Variants in RNMT observed in about 807,000 individuals in gnomAD.
RNMT encodes the protein mRNA cap guanine-N(7) methyltransferase.
In RNMT, 27 loss-of-function variants were observed where a neutral mutation model predicts 56.0. The observed-to-expected ratio is 0.48, with a 90% CI of 0.36 to 0.67. The LOEUF (loss-of-function observed/expected upper bound fraction) is 0.67. Ranked by LOEUF, RNMT falls within the 30% of genes least tolerant of loss-of-function variation. The pLI is 0.00. For missense variants in RNMT, 519 were observed against 552.1 expected, an observed-to-expected ratio of 0.94 and a Z score of 0.60; for synonymous variants, 184 against 176.2, an observed-to-expected ratio of 1.04 and a Z score of -0.35.
intron 4 of RNMT, 94 bp downstream of exon 4, chr18:13,734,693 G>A (rs1352468909): frequency 8.6e-6 from 9 of 1,047,286 alleles, no homozygotes; most frequent in Non-Finnish European, 1.2e-5. Context: ...ACTAGGTCTT[G>A]AAGACAAATT....
chr18:13,739,663 A>G (rs1398897159), intron 5 of RNMT, among the ~76,000 whole-genome samples: 3 of 152,114 alleles, frequency 2.0e-5, no homozygotes, highest in Non-Finnish European at 2.9e-5. Flanking sequence ...CACACAACCT[A>G]TAATCCTAGC....
chr18:13,746,380 C>G lies in RNMT; in HGVS notation c.1257+43C>G, dbSNP rs148328477. ...ATGTACAAATTTCAGTCATGGTGAA[C>G]TTGTTTGGCTGTTCTTGAGATCCTT... is the stretch of plus-strand genomic sequence containing the variant. On this transcript the variant is annotated intron_variant, in intron 9 of 11. Transcript: ENST00000383314. 173 of 1,126,572 alleles carry G rather than the reference C, an allele frequency of 1.5e-4. 1 individual carries two copies. In the African/African-American group the frequency reaches 2.4e-3, roughly 16 times the overall value. 69.8% of individuals were successfully genotyped at this position (1,126,572 alleles called of 1,614,324 possible).
At chr18:13,732,740 C>A (rs1331082502) in intron 3 of RNMT, among the ~76,000 whole-genome samples, 1 of 90,206 alleles carries the variant, frequency 1.1e-5, no homozygotes, top group Non-Finnish European at 2.4e-5. Context: ...GGGGAGCCCC[C>A]CCTTTTTTTT....
intron 10 of RNMT, 38 bp from the exon 11 acceptor site, chr18:13,754,076 T>A: frequency 8.2e-7 from 1 of 1,216,368 alleles, no homozygotes; most frequent in Non-Finnish European, 1.2e-6. Flanking sequence ...ACTTCCATAT[T>A]GAATCTAAAA....
In RNMT at chr18:13,730,649, T is replaced by C. The variant is rs1043659593; in HGVS notation, c.-149T>C. On this transcript the variant is annotated 5_prime_UTR_variant, in exon 2 of 12. Coordinates refer to ENST00000383314, the MANE Select transcript of RNMT (RefSeq NM_003799.3). ...CAGGATGTGTGAACCTATTGGGTAC[T>C]GTACAACTTCAAGCCTCGAAATCAG... 1.3e-5 allele frequency: 2 copies of C among 152,238 alleles called. No individual in the cohort carries two copies. The highest frequency in any genetic ancestry group is 2.9e-5 in the Non-Finnish European group (2 of 68,038). 9.4% of individuals were successfully genotyped at this position (152,238 alleles called of 1,614,324 possible). A position where few individuals can be genotyped will look rare whatever the true frequency, so the allele number is the denominator to read the frequency against.
At chr18:13,733,316 A>G (rs753589510) in intron 3 of RNMT, among the ~76,000 whole-genome samples, 2 of 152,176 alleles carry the variant, frequency 1.3e-5, no homozygotes, top group Non-Finnish European at 2.9e-5. Flanking sequence ...GTTGGGTTAC[A>G]TGTAACATAT....
At position 13,761,883 on chromosome 18, in the gene RNMT, T is replaced by G; in HGVS notation, c.*1904T>G. On this transcript the variant is annotated 3_prime_UTR_variant, in exon 12 of 12. Coordinates refer to ENST00000383314, the MANE Select transcript of RNMT (RefSeq NM_003799.3). The stretch of plus-strand genomic sequence containing the variant: ...GCCCCAAGCCCCTGTGTCTCCTTGT[T>G]ACAATTAAGTTTCTGGATATTGACT... 8.1e-7 allele frequency: 1 copy of G among 1,238,804 alleles called. No homozygotes were observed. The highest frequency in any genetic ancestry group is 1.0e-6 in the Non-Finnish European group (1 of 989,372). 76.7% of individuals were successfully genotyped at this position (1,238,804 alleles called of 1,614,324 possible).
chr18:13,736,049 C>T (rs1376099607), intron 4 of RNMT, among the ~76,000 whole-genome samples: 3 of 152,092 alleles, frequency 2.0e-5, no homozygotes, highest in Non-Finnish European at 2.9e-5. Flanking sequence ...TTGATGATTT[C>T]CTCTCTCGTT....
intron 1 of RNMT, among the ~76,000 whole-genome samples, chr18:13,728,402 C>T (rs113113145): frequency 0.014 from 1,968 of 145,428 alleles, 55 homozygotes; most frequent in African/African-American, 0.044. Context: ...GTGGCTTGAT[C>T]TCAGCTCACT....
chr18:13,732,588 A>G (rs927297850), intron 3 of RNMT, among the ~76,000 whole-genome samples: 4 of 152,204 alleles, frequency 2.6e-5, no homozygotes, highest in Non-Finnish European at 5.9e-5. Context: ...GTACCACATT[A>G]GAAAGGAATT....
At chr18:13,745,477 A>G (rs919287590) in intron 8 of RNMT, among the ~76,000 whole-genome samples, 1 of 152,214 alleles carries the variant, frequency 6.6e-6, no homozygotes, top group Non-Finnish European at 1.5e-5. Context: ...TGTATTGAGC[A>G]CAGTGGGTAA....
At chr18:13,734,851 A>G (rs569980831) in intron 4 of RNMT, among the ~76,000 whole-genome samples, 14 of 152,310 alleles carry the variant, frequency 9.2e-5, no homozygotes, top group African/African-American at 3.4e-4. Flanking sequence ...ATTTTACTCT[A>G]ATAGTTTTGG....
intron 1 of RNMT, among the ~76,000 whole-genome samples, chr18:13,727,201 C>G (rs1232668131): frequency 2.6e-5 from 4 of 152,252 alleles, no homozygotes; most frequent in East Asian, 1.9e-4. Context: ...TAGAGCTTAT[C>G]CCGCTTGGGC....
At chr18:13,734,736 G>A in intron 4 of RNMT, 137 bp downstream of exon 4, 1 of 687,324 alleles carries the variant, frequency 1.5e-6, no homozygotes, top group East Asian at 2.8e-5. Context: ...GACTGTGTAA[G>A]ATTTTAATGA....
At chr18:13,735,822 G>C (rs1253741340) in intron 4 of RNMT, among the ~76,000 whole-genome samples, 1 of 152,028 alleles carries the variant, frequency 6.6e-6, no homozygotes, top group African/African-American at 2.4e-5. Flanking sequence ...TCCTTTTTCA[G>C]CTGTTCTAGC....
Position 13,741,675 on chromosome 18 carries a change from A to G in RNMT, c.958A>G (p.Asn320Asp). The G allele has an allele frequency of 6.2e-7, 1 of 1,604,598 alleles. No homozygotes were observed. The highest frequency in any genetic ancestry group is 8.5e-7 in the Non-Finnish European group (1 of 1,175,602). Reference sequence around the variant, plus strand: ...GGGCTATTTTATTGGTACTACTCCCAATAGCTTTGAATTGATGTAAGTACT... The same window carrying G: ...GGGCTATTTTATTGGTACTACTCCCGATAGCTTTGAATTGATGTAAGTACT... ...PGGYFIGTTP[N>D]SFELIRRLEA... The change falls in exon 7 of 12, where the codon AAT becomes GAT. Residue 320 changes from asparagine (N) to aspartate (D), a missense_variant. Physicochemically the swap from Asn to Asp is conservative, Grantham distance 23. Coordinates refer to ENST00000383314, the MANE Select transcript of RNMT (RefSeq NM_003799.3).
chr18:13,737,998 G>A (rs1027691744), intron 5 of RNMT, among the ~76,000 whole-genome samples: 5 of 151,150 alleles, frequency 3.3e-5, no homozygotes, highest in Non-Finnish European at 7.4e-5. Context: ...CGATAGTAAC[G>A]CAATGAATCA....
chr18:13,734,027 G>C (rs968603570), intron 3 of RNMT, among the ~76,000 whole-genome samples: 2 of 152,142 alleles, frequency 1.3e-5, no homozygotes, highest in Non-Finnish European at 2.9e-5. Flanking sequence ...AATCATGGGC[G>C]CAGTTCCCCA....
intron 7 of RNMT, 117 bp from the exon 8 acceptor site, chr18:13,742,353 AGGTAGCCCAGATATAATT>A: frequency 1.5e-6 from 1 of 688,178 alleles, no homozygotes. Flanking sequence ...AAAAAAAAAA[AGGTAGCCCAGATATAATT>A]AAAAGGCTAA....
Sources: gnomAD v4.1 joint callset for allele counts (sites outside exome capture counted in the v4.1 genomes callset) on GRCh38, gnomAD v4.1.1 for gene constraint, MANE v1.5 for transcripts, NCBI Gene and HGNC (gene_info 2026-07-23, HGNC 2026-07-21) for gene names.